Variants in ALG6 observed in about 807,000 individuals in gnomAD.
ALG6 encodes ALG6 alpha-1,3-glucosyltransferase, also known as dolichyl pyrophosphate Man9GlcNAc2 alpha-1,3-glucosyltransferase.
A neutral mutation model predicts 66.6 loss-of-function variants in ALG6; 46 were observed. The observed-to-expected ratio is 0.69, with a 90% CI of 0.55 to 0.88. The LOEUF (loss-of-function observed/expected upper bound fraction) is 0.88, where lower values mean the gene tolerates loss of function less well. Among genes scored for constraint, ALG6 ranks in the 40% least tolerant of loss-of-function variants. The pLI, the probability that ALG6 is intolerant of heterozygous loss-of-function variation, is 0.00. For missense variants in ALG6, 505 were observed against 586.8 expected, an observed-to-expected ratio of 0.86 and a Z score of 1.44; for synonymous variants, 185 against 203.7, an observed-to-expected ratio of 0.91 and a Z score of 0.78.
chr1:63,430,985 CTGTATTTTCT>C (rs1456416985), intron 14 of ALG6, among the ~76,000 whole-genome samples: 4 of 152,038 alleles, frequency 2.6e-5, no homozygotes, highest in African/African-American at 9.7e-5. Context: ...ATATTTACCC[CTGTATTTTCT>C]TCTAAGAGTT....
chr1:63,408,511 A>G (rs10789139), intron 7 of ALG6, among the ~76,000 whole-genome samples: 61,879 of 152,074 alleles, frequency 0.41, 13,239 homozygotes, highest in African/African-American at 0.53. Context: ...CTCCTTGTAC[A>G]TATATAAACA....
chr1:63,410,904 T>C (rs1348650887), intron 7 of ALG6, among the ~76,000 whole-genome samples: 2 of 152,202 alleles, frequency 1.3e-5, no homozygotes, highest in African/African-American at 2.4e-5. Context: ...ACAAATCAGT[T>C]GCTGCTTAGC....
intron 10 of ALG6, 114 bp downstream of exon 10, chr1:63,414,260 T>C (rs1449643392): frequency 8.5e-6 from 7 of 818,974 alleles, no homozygotes; most frequent in Non-Finnish European, 1.1e-5. Context: ...CTTTTCTTTT[T>C]TTTTTTTTTG....
At chr1:63,403,224 G>A (rs1421513866) in intron 4 of ALG6, among the ~76,000 whole-genome samples, 2 of 151,666 alleles carry the variant, frequency 1.3e-5, no homozygotes. Context: ...ATCCATATGT[G>A]TAGACTACTA....
Position 63,400,206 on chromosome 1 carries a change from AATATATATATATATACG to A in ALG6, c.168-2047_168-2031del, listed in dbSNP as rs1204779652. On this transcript the variant is annotated intron_variant, in intron 3 of 14. Coordinates refer to ENST00000263440, the MANE Select transcript of ALG6 (RefSeq NM_013339.4). ...CAAAACTCTGTCTCAAAAAAAAAAA[AATATATATATATATACG>A]TATATATATATATATATATACGTAT... Among the ~76,000 whole-genome samples the A allele has an allele frequency of 1.0e-3, 37 of 36,428 alleles. 6 individuals are homozygous for A. Among genetic ancestry groups the A allele is most frequent in the South Asian group, 7.9e-3 (5 of 636 alleles). The allele number at this position is 36,428 out of a possible 152,430, so 23.9% of individuals were successfully genotyped here. A position where few individuals can be genotyped will look rare whatever the true frequency, so the allele number is the denominator to read the frequency against.
At chr1:63,374,564 G>C (rs1648054014) in intron 2 of ALG6, among the ~76,000 whole-genome samples, 1 of 151,916 alleles carries the variant, frequency 6.6e-6, no homozygotes, top group South Asian at 2.1e-4. Flanking sequence ...GAAGGCAGAG[G>C]TTGCAGTGAG....
chr1:63,377,261 C>T (rs1329626295), intron 2 of ALG6, among the ~76,000 whole-genome samples: 1 of 152,106 alleles, frequency 6.6e-6, no homozygotes, highest in Non-Finnish European at 1.5e-5. Flanking sequence ...TTGTGTGTGA[C>T]CTGAATTTCA....
chr1:63,413,006 C>A (rs1644524099), intron 9 of ALG6, among the ~76,000 whole-genome samples: 2 of 152,154 alleles, frequency 1.3e-5, no homozygotes, highest in Non-Finnish European at 2.9e-5. Flanking sequence ...AAATGTGTGA[C>A]TGTATGTCAA....
chr1:63,372,034 T>C (rs966554935), intron 2 of ALG6, among the ~76,000 whole-genome samples: 4 of 152,204 alleles, frequency 2.6e-5, no homozygotes, highest in African/African-American at 9.6e-5. Flanking sequence ...TCAGGAAAGA[T>C]GTTTGCATTC....
At chr1:63,379,911 C>T (rs1046678926) in intron 2 of ALG6, among the ~76,000 whole-genome samples, 2 of 151,618 alleles carry the variant, frequency 1.3e-5, no homozygotes, top group Admixed American at 6.6e-5. Context: ...TTAAAAGCTC[C>T]ATAAGTTATT....
rs757939381 is a variant in ALG6, at chr1:63,419,349, T to TC, written c.988-14dup. The TC allele has an allele frequency of 2.3e-4, 366 of 1,586,804 alleles. 1 individual carries two copies. The highest frequency in any genetic ancestry group is 3.3e-4 in the Middle Eastern group (2 of 6,024). ...ATTTCACAAGTTGTTATATCTCATT[T>TC]CCCCCCCTTTTTTCTTAAAGGTTAG... On this transcript the variant is annotated intron_variant, in intron 11 of 14. Transcript: ENST00000263440.
Position 63,415,594 on chromosome 1 carries a change from T to C in ALG6, c.903-279T>C, listed in dbSNP as rs543853912. 1.6e-4 allele frequency among the ~76,000 whole-genome samples: 25 copies of C among 152,294 alleles called. No homozygotes were observed. In the South Asian group the frequency reaches 5.2e-3, roughly 32 times the overall value. On this transcript the variant is annotated intron_variant, in intron 10 of 14. Transcript: ENST00000263440. ...CAACTATGTATCTTTGTATATTTTC[T>C]ATACATGATATTAAATACTAAAATA...
intron 4 of ALG6, among the ~76,000 whole-genome samples, chr1:63,403,145 T>G (rs1180736695): frequency 6.7e-6 from 1 of 150,072 alleles, no homozygotes; most frequent in Non-Finnish European, 1.5e-5. Flanking sequence ...TGAACATTTC[T>G]ATAATTTTTT....
intron 2 of ALG6, among the ~76,000 whole-genome samples, chr1:63,395,341 T>A (rs1648789886): frequency 6.6e-6 from 1 of 152,258 alleles, no homozygotes; most frequent in Non-Finnish European, 1.5e-5. Context: ...TTAATGTCTT[T>A]TTAACATATA....
intron 3 of ALG6, among the ~76,000 whole-genome samples, chr1:63,401,931 T>C (rs563206535): frequency 6.6e-6 from 1 of 152,230 alleles, no homozygotes; most frequent in African/African-American, 2.4e-5. Flanking sequence ...CTTCCTAAAA[T>C]TCAGAGAGCC....
chr1:63,410,164 T>C (rs78868550), intron 7 of ALG6, among the ~76,000 whole-genome samples: 4,225 of 152,268 alleles, frequency 0.028, 110 homozygotes, highest in South Asian at 0.14. Context: ...TTCATCCTAT[T>C]TTATTTGTTA....
chr1:63,396,506 A>G lies in ALG6; in HGVS notation c.83-7A>G, dbSNP rs1648830181. The G allele has an allele frequency of 6.2e-7, 1 of 1,612,864 alleles. No individual in the cohort carries two copies. Among genetic ancestry groups the G allele is most frequent in the African/African-American group, 1.3e-5 (1 of 74,902 alleles). ...TGTTGTTTTGCTCTTTTTACCTTTGATCTTAGGTGCTGGTAAACCGCCTAT... is the reference window on the plus strand; with the variant it reads ...TGTTGTTTTGCTCTTTTTACCTTTGGTCTTAGGTGCTGGTAAACCGCCTAT... On this transcript the variant is annotated splice_polypyrimidine_tract_variant and splice_region_variant and intron_variant, in intron 2 of 14. Transcript: ENST00000263440.
chr1:63,368,760 C>CA (rs947203684), intron 1 of ALG6, among the ~76,000 whole-genome samples: 4 of 152,188 alleles, frequency 2.6e-5, no homozygotes, highest in Non-Finnish European at 5.9e-5. Flanking sequence ...CTCGGCCTCC[C>CA]AAAGTGCTGG....
At chr1:63,407,497 T>A (rs1353110842) in intron 7 of ALG6, among the ~76,000 whole-genome samples, 1 of 152,108 alleles carries the variant, frequency 6.6e-6, no homozygotes, top group African/African-American at 2.4e-5. Flanking sequence ...TCTTACAGTT[T>A]TATGAGTTTA....
Sources: gnomAD v4.1 joint callset for allele counts (sites outside exome capture counted in the v4.1 genomes callset) on GRCh38, gnomAD v4.1.1 for gene constraint, MANE v1.5 for transcripts, NCBI Gene and HGNC (gene_info 2026-07-23, HGNC 2026-07-21) for gene names.